Variants in SLC2A13 observed in about 807,000 individuals in gnomAD.
SLC2A13 encodes solute carrier family 2 member 13.
A neutral mutation model predicts 64.4 loss-of-function variants in SLC2A13; 32 were observed. That is an observed-to-expected ratio of 0.50 (90% CI 0.37 to 0.67). The LOEUF (loss-of-function observed/expected upper bound fraction) is 0.67, where lower values mean the gene tolerates loss of function less well. SLC2A13 is among the 30% of genes least tolerant of loss of function. The pLI, the probability that SLC2A13 is intolerant of heterozygous loss-of-function variation, is 0.00. For missense variants in SLC2A13, 743 were observed against 829.2 expected (o/e 0.90, Z 1.28); for synonymous variants, 338 against 327.1 (o/e 1.03, Z -0.36).
chr12:39,966,318 C>G (rs1946515109), intron 3 of SLC2A13, among the ~76,000 whole-genome samples: 1 of 151,818 alleles, frequency 6.6e-6, no homozygotes, highest in African/African-American at 2.4e-5. Context: ...CCTTCTCCAC[C>G]CCGATTTTGA....
At position 39,756,658 on chromosome 12, in the gene SLC2A13, T is replaced by C. The variant is rs1939975660; in HGVS notation, c.*3368A>G. The C allele has an allele frequency of 6.6e-6, 1 of 151,792 alleles. No homozygotes were observed. The highest frequency in any genetic ancestry group is 6.6e-5 in the Admixed American group (1 of 15,208). 9.4% of individuals were successfully genotyped at this position (151,792 alleles called of 1,614,324 possible). A position where few individuals can be genotyped will look rare whatever the true frequency, so the allele number is the denominator to read the frequency against. ...CTTCTGGATCTGTGAGTTATTCTAA[T>C]ATATTTTCAATATTATTTTGTTGTT... On this transcript the variant is annotated 3_prime_UTR_variant, in exon 10 of 10. Coordinates refer to ENST00000280871, the MANE Select transcript of SLC2A13 (RefSeq NM_052885.4).
At chr12:40,022,800 T>C (rs1947742160) in intron 3 of SLC2A13, among the ~76,000 whole-genome samples, 1 of 151,256 alleles carries the variant, frequency 6.6e-6, no homozygotes, top group South Asian at 2.1e-4. Context: ...ATTGTGCCAC[T>C]GCACTCCAGC....
intron 4 of SLC2A13, among the ~76,000 whole-genome samples, chr12:39,876,048 T>C (rs1237732362): frequency 6.6e-6 from 1 of 152,216 alleles, no homozygotes; most frequent in African/African-American, 2.4e-5. Context: ...TCAAAGTCAT[T>C]TTATAATATC....
At chr12:39,801,907 A>G (rs1040482442) in intron 7 of SLC2A13, among the ~76,000 whole-genome samples, 2 of 152,218 alleles carry the variant, frequency 1.3e-5, no homozygotes, top group Non-Finnish European at 2.9e-5. Flanking sequence ...TTATTGAACC[A>G]GGCACCATTC....
At chr12:39,838,265 C>T (rs1473238177) in intron 6 of SLC2A13, among the ~76,000 whole-genome samples, 1 of 148,980 alleles carries the variant, frequency 6.7e-6, no homozygotes, top group African/African-American at 2.5e-5. Flanking sequence ...ACCGCATATT[C>T]TCACTCGTAG....
At chr12:39,831,692 A>G (rs577163882) in intron 6 of SLC2A13, among the ~76,000 whole-genome samples, 1 of 152,178 alleles carries the variant, frequency 6.6e-6, no homozygotes, top group South Asian at 2.1e-4. Flanking sequence ...GTTTAGTGCC[A>G]TCCCCTTGGT....
chr12:40,022,375 A>G (rs916375600), intron 3 of SLC2A13, among the ~76,000 whole-genome samples: 3 of 152,198 alleles, frequency 2.0e-5, no homozygotes, highest in African/African-American at 7.2e-5. Flanking sequence ...TCTAATTCCA[A>G]TCTGAAACAT....
At chr12:40,069,290 A>G (rs534404379) in intron 1 of SLC2A13, among the ~76,000 whole-genome samples, 70 of 152,284 alleles carry the variant, frequency 4.6e-4, no homozygotes, top group Middle Eastern at 6.8e-3. Flanking sequence ...TTCAAAAAAC[A>G]TGTATAGCTT....
chr12:40,047,553 CA>C (rs1406021686), intron 2 of SLC2A13, among the ~76,000 whole-genome samples: 1 of 152,038 alleles, frequency 6.6e-6, no homozygotes, highest in African/African-American at 2.4e-5. Context: ...TTTATTGATT[CA>C]AAATAAGCCA....
At chr12:39,801,871 C>T (rs990524108) in intron 7 of SLC2A13, among the ~76,000 whole-genome samples, 1 of 152,174 alleles carries the variant, frequency 6.6e-6, no homozygotes, top group Non-Finnish European at 1.5e-5. Flanking sequence ...GGAAAGCAGA[C>T]ATTACTCACT....
chr12:40,021,114 A>G (rs557974523), intron 3 of SLC2A13, among the ~76,000 whole-genome samples: 1 of 152,314 alleles, frequency 6.6e-6, no homozygotes, highest in East Asian at 1.9e-4. Flanking sequence ...AGTATTACCT[A>G]TCTACTTACT....
chr12:39,799,758 T>A (rs920526320), intron 7 of SLC2A13, among the ~76,000 whole-genome samples: 2 of 152,212 alleles, frequency 1.3e-5, no homozygotes, highest in African/African-American at 4.8e-5. Flanking sequence ...CAAGAACGTG[T>A]TTTGAGACAA....
intron 3 of SLC2A13, among the ~76,000 whole-genome samples, chr12:40,021,821 G>C (rs558185044): frequency 2.8e-4 from 42 of 152,234 alleles, no homozygotes; most frequent in Admixed American, 1.3e-3. Context: ...GATGTCAATT[G>C]CAACGAGTAT....
intron 1 of SLC2A13, among the ~76,000 whole-genome samples, chr12:40,100,913 C>A (rs945781426): frequency 7.7e-6 from 1 of 129,612 alleles, no homozygotes. Context: ...TGCAGTGAGC[C>A]GAGATCTCGC....
chr12:39,796,552 C>T (rs753811032), intron 7 of SLC2A13, among the ~76,000 whole-genome samples: 1 of 151,728 alleles, frequency 6.6e-6, no homozygotes, highest in Non-Finnish European at 1.5e-5. Flanking sequence ...TTCCCATGAG[C>T]TGGGAGCTGG....
At chr12:39,975,837 T>C (rs995338466) in intron 3 of SLC2A13, among the ~76,000 whole-genome samples, 1 of 150,402 alleles carries the variant, frequency 6.6e-6, no homozygotes, top group African/African-American at 2.5e-5. Context: ...CGGATACAAA[T>C]GTTCAATAAC....
intron 1 of SLC2A13, among the ~76,000 whole-genome samples, chr12:40,051,705 C>G (rs751554047): frequency 3.3e-5 from 5 of 152,076 alleles, no homozygotes; most frequent in African/African-American, 4.8e-5. Context: ...ATCAGATCAG[C>G]TTAGGTAAGG....
At chr12:40,094,750 T>G (rs1190198095) in intron 1 of SLC2A13, among the ~76,000 whole-genome samples, 1 of 152,156 alleles carries the variant, frequency 6.6e-6, no homozygotes, top group East Asian at 1.9e-4. Flanking sequence ...AAAGATAAAG[T>G]GGGGCAGAAA....
At chr12:39,763,735 T>G (rs956560950) in intron 9 of SLC2A13, among the ~76,000 whole-genome samples, 3 of 152,142 alleles carry the variant, frequency 2.0e-5, no homozygotes, top group African/African-American at 7.2e-5. Flanking sequence ...TACTTCATCA[T>G]GAATAATCCT....
Sources: allele counts gnomAD v4.1 joint callset (sites outside exome capture counted in the v4.1 genomes callset), GRCh38; gene constraint gnomAD v4.1.1; transcripts MANE v1.5; gene names NCBI Gene and HGNC (gene_info 2026-07-23, HGNC 2026-07-21).